GRIK2: variants seen among roughly 807,000 people sequenced by gnomAD.
The protein encoded by GRIK2 is glutamate receptor ionotropic, kainate 2.
In GRIK2, 32 loss-of-function variants were observed where a neutral mutation model predicts 100.3. That is an observed-to-expected ratio of 0.32 (90% CI 0.24 to 0.43). The LOEUF (loss-of-function observed/expected upper bound fraction) is 0.43, where lower values mean the gene tolerates loss of function less well. Among genes scored for constraint, GRIK2 ranks in the 20% least tolerant of loss-of-function variants. GRIK2 has a pLI of 1.00. For synonymous variants in GRIK2, 417 were observed against 389.4 expected (o/e 1.07, Z -0.83); for missense variants, 843 against 1,114.9 (o/e 0.76, Z 3.47).
chr6:101,784,153 C>A (rs934115489), intron 7 of GRIK2, among the ~76,000 whole-genome samples: 1 of 152,236 alleles, frequency 6.6e-6, no homozygotes, highest in Non-Finnish European at 1.5e-5. Flanking sequence ...GAGACCTTCA[C>A]AGCAGCTCCT....
chr6:101,861,074 G>A (rs750354400), intron 11 of GRIK2, among the ~76,000 whole-genome samples: 9 of 152,160 alleles, frequency 5.9e-5, no homozygotes, highest in Admixed American at 3.9e-4. Context: ...CAACTATGCA[G>A]TTGCATGCCT....
At chr6:101,419,873 T>C (rs1776330791) in intron 2 of GRIK2, among the ~76,000 whole-genome samples, 1 of 152,204 alleles carries the variant, frequency 6.6e-6, no homozygotes, top group Non-Finnish European at 1.5e-5. Context: ...TGTTGCATGC[T>C]GTAACAAAAA....
intron 2 of GRIK2, among the ~76,000 whole-genome samples, chr6:101,565,148 A>C (rs1341747974): frequency 6.6e-6 from 1 of 152,128 alleles, no homozygotes; most frequent in East Asian, 1.9e-4. Flanking sequence ...AAACATCTGC[A>C]CTTGATTTAC....
In GRIK2 at chr6:102,027,103, T is replaced by C. The variant is rs141628432; in HGVS notation, c.2086-8238T>C. Among the ~76,000 whole-genome samples the C allele has an allele frequency of 2.1e-3, 322 of 151,430 alleles. 2 individuals carry two copies. The highest frequency in any genetic ancestry group is 6.8e-3 in the African/African-American group (283 of 41,454). On this transcript the variant is annotated intron_variant, in intron 14 of 16. Coordinates refer to ENST00000369134, the MANE Select transcript of GRIK2 (RefSeq NM_021956.5). Reference sequence around the variant, plus strand: ...ACCTTGCTATGAGCATTAGGGCTTATTACATGTAACTTTTTCATAACAAAA... The same window carrying C: ...ACCTTGCTATGAGCATTAGGGCTTACTACATGTAACTTTTTCATAACAAAA...
At chr6:101,458,791 C>A (rs1771140912) in intron 2 of GRIK2, among the ~76,000 whole-genome samples, 1 of 152,128 alleles carries the variant, frequency 6.6e-6, no homozygotes, top group Non-Finnish European at 1.5e-5. Context: ...GTAGGTATTA[C>A]CATGTCAAAT....
rs118012703 is a variant in GRIK2 at position 101,606,418 on chromosome 6, C to A, written c.116-15531C>A. ...CATTCATTTCCATGAATATTGGAAT[C>A]ATTGAGTATCTTTCATGTGCTCAGC... On this transcript the variant is annotated intron_variant, in intron 2 of 16. Transcript: ENST00000369134. 7.3e-4 allele frequency among the ~76,000 whole-genome samples: 111 copies of A among 152,052 alleles called. 1 individual carries two copies. The East Asian group carries it at 0.021, about 29-fold the overall frequency.
intron 4 of GRIK2, among the ~76,000 whole-genome samples, chr6:101,648,274 A>G (rs1781623024): frequency 6.6e-6 from 1 of 152,076 alleles, no homozygotes; most frequent in Non-Finnish European, 1.5e-5. Context: ...ATTCATTCAC[A>G]TAACCATTTG....
At position 101,972,444 on chromosome 6, in the gene GRIK2, A is replaced by C. The variant is rs559480043; in HGVS notation, c.2085+43812A>C. On this transcript the variant is annotated intron_variant, in intron 14 of 16. Transcript: ENST00000369134. ...ATGTCCTTTGCCCACTTTTTAATGG[A>C]ATCATTTGTTTATTGCTTGTTGATT... is the stretch of plus-strand genomic sequence containing the variant. Among the ~76,000 whole-genome samples the C allele has an allele frequency of 3.3e-5, 5 of 151,602 alleles. No homozygotes were observed. In the East Asian group the frequency reaches 9.8e-4, roughly 30 times the overall value.
chr6:101,482,805 A>G (rs147770209), intron 2 of GRIK2, among the ~76,000 whole-genome samples: 6,516 of 152,130 alleles, frequency 0.043, 198 homozygotes, highest in South Asian at 0.096. Flanking sequence ...AGTGGAAGCA[A>G]CACCCTCCCA....
intron 7 of GRIK2, among the ~76,000 whole-genome samples, chr6:101,786,653 T>C (rs925764678): frequency 1.3e-5 from 2 of 152,112 alleles, no homozygotes; most frequent in Non-Finnish European, 2.9e-5. Context: ...CTTGATCATG[T>C]TGTAGTACCT....
chr6:101,907,719 CT>C (rs1459250770), intron 12 of GRIK2, among the ~76,000 whole-genome samples: 2 of 50,128 alleles, frequency 4.0e-5, no homozygotes, highest in African/African-American at 6.5e-5. Context: ...TTAGGTTATT[CT>C]TTTTTATCTT....
intron 7 of GRIK2, among the ~76,000 whole-genome samples, chr6:101,736,343 C>A (rs1342276346): frequency 1.3e-5 from 2 of 152,228 alleles, no homozygotes; most frequent in Non-Finnish European, 2.9e-5. Flanking sequence ...TCCGACCCAA[C>A]ATCTCCCTTT....
intron 11 of GRIK2, among the ~76,000 whole-genome samples, chr6:101,873,089 T>C (rs1785539774): frequency 6.6e-6 from 1 of 151,884 alleles, no homozygotes; most frequent in Non-Finnish European, 1.5e-5. Flanking sequence ...ATTTTTAAAC[T>C]GGACATTAAT....
rs144882759 is a variant in GRIK2 at position 101,886,237 on chromosome 6, A to T, written c.1525-3403A>T. On this transcript the variant is annotated intron_variant, in intron 11 of 16. Transcript: ENST00000369134. ...GTGTCTTTCACTTAGCAATATGCATACAAGTTTCCCCCATGCTTTTTCATG... is the reference window on the plus strand; with the variant it reads ...GTGTCTTTCACTTAGCAATATGCATTCAAGTTTCCCCCATGCTTTTTCATG... Among the ~76,000 whole-genome samples, 190 of 152,290 alleles carry T rather than the reference A, an allele frequency of 1.2e-3. 3 individuals are homozygous for T. In the East Asian group the frequency reaches 0.036, roughly 28 times the overall value.
At chr6:101,894,939 G>A (rs1303995202) in intron 12 of GRIK2, among the ~76,000 whole-genome samples, 1 of 151,572 alleles carries the variant, frequency 6.6e-6, no homozygotes, top group Admixed American at 6.6e-5. Flanking sequence ...CCTCCAACAG[G>A]ATTGATGTAA....
intron 13 of GRIK2, 114 bp from the exon 14 acceptor site, chr6:101,928,301 C>A (rs993713831): frequency 1.1e-4 from 69 of 645,538 alleles, no homozygotes; most frequent in Non-Finnish European, 1.2e-4. Context: ...ATATGTAAAT[C>A]TTTGATTTAA....
intron 14 of GRIK2, among the ~76,000 whole-genome samples, chr6:101,995,028 C>G (rs975500648): frequency 6.6e-6 from 1 of 151,830 alleles, no homozygotes; most frequent in African/African-American, 2.4e-5. Context: ...GATATAGATT[C>G]TTATTATTTT....
intron 2 of GRIK2, among the ~76,000 whole-genome samples, chr6:101,591,968 G>C (rs1582785647): frequency 6.6e-6 from 1 of 151,978 alleles, no homozygotes; most frequent in South Asian, 2.1e-4. Context: ...GATTCCTCAT[G>C]AATGGCTTAG....
intron 10 of GRIK2, among the ~76,000 whole-genome samples, chr6:101,842,857 A>T (rs1448368035): frequency 6.6e-6 from 1 of 152,128 alleles, no homozygotes; most frequent in Non-Finnish European, 1.5e-5. Context: ...TGAGTTCTTT[A>T]TTCTAATTCA....
Sources: allele counts gnomAD v4.1 joint callset (sites outside exome capture counted in the v4.1 genomes callset), GRCh38; gene constraint gnomAD v4.1.1; transcripts MANE v1.5; gene names NCBI Gene and HGNC (gene_info 2026-07-23, HGNC 2026-07-21).